The following RSPO2 variants were observed in gnomAD, a reference collection of about 807,000 sequenced individuals.
RSPO2 encodes the protein R-spondin-2.
RSPO2 carries 14 observed loss-of-function variants against 30.9 expected under a neutral mutation model. The ratio of observed to expected loss-of-function variants is 0.45; its 90% CI spans 0.30 to 0.71. RSPO2 has a LOEUF of 0.71. RSPO2 is among the 30% of genes least tolerant of loss of function. The pLI is 0.08. For missense variants in RSPO2, 264 were observed against 301.9 expected, an observed-to-expected ratio of 0.87 and a Z score of 0.93; for synonymous variants, 107 against 96.4, an observed-to-expected ratio of 1.11 and a Z score of -0.64.
At chr8:108,030,416 A>G (rs991621908) in intron 2 of RSPO2, among the ~76,000 whole-genome samples, 1 of 152,300 alleles carries the variant, frequency 6.6e-6, no homozygotes, top group East Asian at 1.9e-4. Context: ...TGTAATGTAT[A>G]AGCAGTGGCC....
At chr8:107,906,836 A>G (rs1782081360) in intron 5 of RSPO2, among the ~76,000 whole-genome samples, 1 of 151,996 alleles carries the variant, frequency 6.6e-6, no homozygotes, top group Non-Finnish European at 1.5e-5. Context: ...TGATGTATGT[A>G]TATAATGTGA....
intron 5 of RSPO2, among the ~76,000 whole-genome samples, chr8:107,928,707 T>G (rs1301286637): frequency 6.6e-6 from 1 of 152,208 alleles, no homozygotes; most frequent in Non-Finnish European, 1.5e-5. Context: ...CACTGTAACT[T>G]ATCCAAAGCT....
chr8:108,047,080 G>A (rs1286904311), intron 2 of RSPO2, among the ~76,000 whole-genome samples: 1 of 152,182 alleles, frequency 6.6e-6, no homozygotes, highest in African/African-American at 2.4e-5. Flanking sequence ...GTGGTAAGCA[G>A]GGCTGAGCTG....
At chr8:107,943,528 G>T (rs748481603) in intron 5 of RSPO2, among the ~76,000 whole-genome samples, 1 of 152,174 alleles carries the variant, frequency 6.6e-6, no homozygotes, top group Non-Finnish European at 1.5e-5. Context: ...ACGTGCCATC[G>T]CCTGGTGGAG....
At chr8:108,080,715 GA>G in intron 2 of RSPO2, among the ~76,000 whole-genome samples, 1 of 152,268 alleles carries the variant, frequency 6.6e-6, no homozygotes, top group African/African-American at 2.4e-5. Context: ...ACCACAATGG[GA>G]CAGGCAGGGT....
chr8:107,973,616 AATTTC>A (rs1385644549), intron 3 of RSPO2, among the ~76,000 whole-genome samples: 1 of 152,060 alleles, frequency 6.6e-6, no homozygotes, highest in Non-Finnish European at 1.5e-5. Context: ...AAACAGCCAT[AATTTC>A]ACATGCTGAC....
chr8:108,014,717 G>T (rs1810822824), intron 2 of RSPO2, among the ~76,000 whole-genome samples: 1 of 151,908 alleles, frequency 6.6e-6, no homozygotes, highest in Admixed American at 6.6e-5. Flanking sequence ...CTAGGGGAGG[G>T]ATAGCATTAG....
intron 2 of RSPO2, among the ~76,000 whole-genome samples, chr8:108,044,152 T>TC (rs1204374198): frequency 7.3e-6 from 1 of 136,908 alleles, no homozygotes; most frequent in East Asian, 2.2e-4. Flanking sequence ...TTCTGTTGTC[T>TC]GAAAAAAAAA....
chr8:108,061,681 G>T (rs7844666), intron 2 of RSPO2, among the ~76,000 whole-genome samples: 1 of 151,618 alleles, frequency 6.6e-6, no homozygotes, highest in Non-Finnish European at 1.5e-5. Flanking sequence ...TGCACCAAGC[G>T]GACCTAACAG....
At chr8:107,965,080 G>A (rs115463470) in intron 3 of RSPO2, among the ~76,000 whole-genome samples, 246 of 152,208 alleles carry the variant, frequency 1.6e-3, no homozygotes, top group African/African-American at 5.6e-3. Flanking sequence ...AAAACTGTAT[G>A]CTACATAATA....
At chr8:108,030,016 A>G (rs1811366944) in intron 2 of RSPO2, among the ~76,000 whole-genome samples, 1 of 151,610 alleles carries the variant, frequency 6.6e-6, no homozygotes. Context: ...TTTTTTTTAA[A>G]TAACAGAAAT....
At chr8:108,036,996 T>TG (rs532878107) in intron 2 of RSPO2, among the ~76,000 whole-genome samples, 53 of 152,260 alleles carry the variant, frequency 3.5e-4, no homozygotes, top group African/African-American at 1.3e-3. Flanking sequence ...CACTCTCTCC[T>TG]CAGGCCTCCC....
intron 2 of RSPO2, among the ~76,000 whole-genome samples, chr8:108,032,070 A>G (rs1811439451): frequency 6.6e-6 from 1 of 152,216 alleles, no homozygotes; most frequent in South Asian, 2.1e-4. Context: ...TAGACCAAAT[A>G]CAAGCTCTGA....
intron 2 of RSPO2, among the ~76,000 whole-genome samples, chr8:108,033,521 C>CCT (rs1438883262): frequency 6.6e-6 from 1 of 152,178 alleles, no homozygotes; most frequent in Non-Finnish European, 1.5e-5. Flanking sequence ...GTCAGAGTGT[C>CCT]CTCTCACATA....
chr8:107,945,028 A>G (rs1413544303), intron 5 of RSPO2, among the ~76,000 whole-genome samples: 1 of 152,020 alleles, frequency 6.6e-6, no homozygotes, highest in Non-Finnish European at 1.5e-5. Flanking sequence ...TGCTGTCTTT[A>G]AGATTGAATT....
chr8:107,988,946 C>A, intron 3 of RSPO2, 110 bp downstream of exon 3: 1 of 996,564 alleles, frequency 1.0e-6, no homozygotes, highest in South Asian at 1.7e-5. Context: ...CTATTTCTAT[C>A]ACCTATTACA....
At chr8:107,956,478 A>G (rs939218873) in intron 5 of RSPO2, among the ~76,000 whole-genome samples, 1 of 152,232 alleles carries the variant, frequency 6.6e-6, no homozygotes, top group African/African-American at 2.4e-5. Context: ...TTCAACTAAG[A>G]CAGTATGTTG....
At chr8:107,967,442 A>G (rs1813841553) in intron 3 of RSPO2, among the ~76,000 whole-genome samples, 1 of 152,200 alleles carries the variant, frequency 6.6e-6, no homozygotes, top group Non-Finnish European at 1.5e-5. Flanking sequence ...TGTATTGATA[A>G]AAATTATTAT....
At chr8:107,952,546 T>C (rs1813288444) in intron 5 of RSPO2, among the ~76,000 whole-genome samples, 1 of 152,162 alleles carries the variant, frequency 6.6e-6, no homozygotes, top group South Asian at 2.1e-4. Flanking sequence ...CTCTCTTATC[T>C]CCTCTCTTCC....
Sources: gnomAD v4.1 joint callset for allele counts (sites outside exome capture counted in the v4.1 genomes callset) on GRCh38, gnomAD v4.1.1 for gene constraint, MANE v1.5 for transcripts, NCBI Gene and HGNC (gene_info 2026-07-23, HGNC 2026-07-21) for gene names.